The following HELZ2 variants were observed in gnomAD, a reference collection of about 807,000 sequenced individuals.
HELZ2 encodes helicase with zinc finger 2.
HELZ2 carries 143 observed loss-of-function variants against 208.8 expected under a neutral mutation model. The observed-to-expected ratio is 0.68, with a 90% CI of 0.60 to 0.79. The LOEUF (loss-of-function observed/expected upper bound fraction) is 0.79, where lower values mean the gene tolerates loss of function less well. HELZ2 is among the 30% of genes least tolerant of loss of function. The pLI is 0.00. For missense variants in HELZ2, 3,690 were observed against 3,794.5 expected, an observed-to-expected ratio of 0.97 and a Z score of 0.72; for synonymous variants, 1,705 against 1,693.7, an observed-to-expected ratio of 1.01 and a Z score of -0.16.
Position 63,569,605 on chromosome 20 carries a change from C to T in HELZ2, c.631G>A (p.Ala211Thr), listed in dbSNP as rs754183010. ...AGCCGGCCTGGCGGGAGGCCGGGAG[C>T]CACCAGAGAGAAGTCGGCTCCTGGC... The change falls in exon 4 of 19, where the codon GCT becomes ACT. Residue 211 changes from alanine to threonine, a missense_variant. Around this residue, in one of 3 missense-constraint regions of HELZ2, gnomAD observed 1,119 missense variants for 1,193.4 expected, o/e 0.94. Coordinates refer to ENST00000467148, the Ensembl canonical transcript of HELZ2. The T allele has an allele frequency of 5.8e-6, 9 of 1,561,044 alleles. No homozygotes were observed. Among genetic ancestry groups the T allele is most frequent in the Admixed American group, 3.8e-5 (2 of 52,490 alleles).
upstream of HELZ2, chr20:63,572,817 G>A (rs957221960): frequency 3.6e-5 from 6 of 167,554 alleles, no homozygotes; most frequent in South Asian, 1.8e-4. Flanking sequence ...CACCGGTTTC[G>A]GTGGCGCCGG....
At chr20:63,562,328 G>T in exon 9 of HELZ2, 1 of 1,598,210 alleles carries the variant, frequency 6.3e-7, no homozygotes. Context: ...CCAGTGCGAT[G>T]CTGGTGACCA....
exon 1 of HELZ2, chr20:63,572,116 G>T: frequency 6.2e-7 from 1 of 1,609,204 alleles, no homozygotes; most frequent in East Asian, 2.2e-5. Context: ...ACTTTGGGCA[G>T]AGCTCGAACT....
chr20:63,563,815 C>A, exon 8 of HELZ2: 1 of 1,600,658 alleles, frequency 6.2e-7, no homozygotes, highest in Non-Finnish European at 8.5e-7. Context: ...AGGTGGCCCA[C>A]GTGTACCAGT....
exon 1 of HELZ2, chr20:63,572,293 G>T: frequency 6.3e-7 from 1 of 1,587,036 alleles, no homozygotes. Flanking sequence ...GCTGGCCAAG[G>T]GGGGCCGTGC....
At chr20:63,573,103 C>G (rs977470076), upstream of HELZ2, 1 of 152,350 alleles carries the variant, frequency 6.6e-6, no homozygotes, top group Admixed American at 6.5e-5. This position sits in a 1 kb window ranked among gnomAD's most constrained non-coding sequence, Gnocchi z 4.9. Context: ...TGTTGGGCAG[C>G]AGGGTGGACC....
At chr20:63,563,045 C>T (rs748923386) in exon 8 of HELZ2, 15 of 1,599,310 alleles carry the variant, frequency 9.4e-6, no homozygotes, top group East Asian at 2.3e-5. Flanking sequence ...CCGGTACACA[C>T]GGCCTGAGAA....
exon 6 of HELZ2, chr20:63,567,425 C>T (rs1293596297): frequency 3.8e-6 from 6 of 1,569,568 alleles, no homozygotes; most frequent in Non-Finnish European, 5.2e-6. Flanking sequence ...GTGGTGGTGA[C>T]CACCACGCGG....
exon 8 of HELZ2, chr20:63,562,954 G>A (rs766328244): frequency 6.9e-6 from 11 of 1,590,130 alleles, no homozygotes; most frequent in South Asian, 3.4e-5. Flanking sequence ...CGGCAACCGC[G>A]CCGGTGGCCG....
chr20:63,566,836 G>C lies in HELZ2; in HGVS notation c.2514+8C>G, dbSNP rs201474774. ...GGTCGGGGGCTGTCCCGGGCTGGCC[G>C]GGCTCACCTGGGCACCGTGGGAAAC... On this transcript the variant is annotated splice_region_variant and intron_variant, in intron 6 of 18. Transcript: ENST00000467148. 2.7e-5 allele frequency: 42 copies of C among 1,584,828 alleles called. No homozygotes were observed. Among genetic ancestry groups the C allele is most frequent in the Non-Finnish European group, 3.5e-5 (41 of 1,169,426 alleles).
At position 63,562,938 on chromosome 20, in the gene HELZ2, C is replaced by G; in HGVS notation, c.5884G>C (p.Asp1962His). ...CTCAGGTGCTGAAGTGTGACGGAGT[C>G]ATTCTCGGCAACCGCGCCGGTGGCC... Residue 1962 changes from aspartate (D) to histidine (H), a missense_variant, in exon 8 of 19, where the codon GAC becomes CAC. This residue lies in a region of HELZ2 where 2,564 missense variants were observed against 2,580.5 expected (regional missense o/e 0.99). Coordinates refer to ENST00000467148, the Ensembl canonical transcript of HELZ2. 6 of 1,591,730 alleles carry G rather than the reference C, an allele frequency of 3.8e-6. No homozygotes were observed. In the South Asian group the frequency reaches 5.7e-5, roughly 15 times the overall value.
At chr20:63,570,794 C>T (rs757371132) in exon 2 of HELZ2, 18 of 1,610,938 alleles carry the variant, frequency 1.1e-5, no homozygotes, top group Admixed American at 1.7e-5. Flanking sequence ...AGCCTGCGTG[C>T]GCCGGACCCA....
chr20:63,561,721 A>C (rs2082889610), exon 12 of HELZ2: 2 of 1,608,512 alleles, frequency 1.2e-6, no homozygotes, highest in Non-Finnish European at 1.7e-6. Flanking sequence ...GAGGGGCTTC[A>C]GCTCCATCCT....
In HELZ2 at chr20:63,566,332, G is replaced by A. The variant is rs372412870; in HGVS notation, c.2590+46C>T. On this transcript the variant is annotated intron_variant, in intron 7 of 18. Coordinates refer to ENST00000467148, the Ensembl canonical transcript of HELZ2. ...CTGAGGAGTGGGCCGAGCCACCCGG[G>A]GTATCCTGGGGCAGCTGGCAGCACC... 10 of 1,532,566 alleles carry A rather than the reference G, an allele frequency of 6.5e-6. No homozygotes were observed. The African/African-American group carries it at 1.2e-4, about 19-fold the overall frequency. 94.9% of individuals were successfully genotyped at this position (1,532,566 alleles called of 1,614,324 possible).
At chr20:63,565,761 C>G (rs756850171) in exon 8 of HELZ2, 2 of 1,601,300 alleles carry the variant, frequency 1.2e-6, no homozygotes, top group Admixed American at 1.7e-5. Context: ...GCTGCCGCAG[C>G]CTCCGTCTGC....
upstream of HELZ2, chr20:63,572,542 G>GC: frequency 1.3e-6 from 1 of 774,966 alleles, no homozygotes; most frequent in Non-Finnish European, 2.0e-6. Context: ...CGCTCACGTG[G>GC]GCCAGGAGGG....
chr20:63,559,213 C>G (rs979184777), exon 19 of HELZ2: 2 of 1,492,270 alleles, frequency 1.3e-6, no homozygotes, highest in Non-Finnish European at 1.8e-6. Context: ...CTTTCCCTCC[C>G]AGTCCTGGCA....
At chr20:63,569,753 G>C in intron 3 of HELZ2, 88 bp from the exon 5 acceptor site, 1 of 1,355,234 alleles carries the variant, frequency 7.4e-7, no homozygotes, top group Non-Finnish European at 9.7e-7. Context: ...CCAAGTGCAG[G>C]GTTCAGGTCC....
At chr20:63,560,376 C>T (rs2082872595) in intron 16 of HELZ2, 49 bp from the exon 18 acceptor site, 1 of 1,572,260 alleles carries the variant, frequency 6.4e-7, no homozygotes, top group Admixed American at 1.7e-5. Flanking sequence ...TCTCTCCTGC[C>T]CTCCTCCAGG....
Sources: gnomAD v4.1 joint callset for allele counts on GRCh38, gnomAD v4.1.1 for gene constraint, gnomAD v4.1.1 regional missense constraint, Gnocchi (gnomAD v3.1) non-coding constraint, MANE v1.5 for transcripts, NCBI Gene and HGNC (gene_info 2026-07-23, HGNC 2026-07-21) for gene names.